The following LIPA variants were observed in gnomAD, a reference collection of about 807,000 sequenced individuals.
LIPA encodes the protein lipase A, lysosomal acid type.
In LIPA, 26 loss-of-function variants were observed where a neutral mutation model predicts 40.6. The ratio of observed to expected loss-of-function variants is 0.64; its 90% CI spans 0.47 to 0.89. The LOEUF (loss-of-function observed/expected upper bound fraction) is 0.89. Ranked by LOEUF, LIPA falls within the 40% of genes least tolerant of loss-of-function variation. The pLI, the probability that LIPA is intolerant of heterozygous loss-of-function variation, is 0.00. For synonymous variants in LIPA, 188 were observed against 168.4 expected (o/e 1.12, Z -0.90); for missense variants, 455 against 479.6 (o/e 0.95, Z 0.48).
intron 1 of LIPA, among the ~76,000 whole-genome samples, chr10:89,309,600 T>G (rs777379488): frequency 4.6e-5 from 7 of 152,170 alleles, no homozygotes; most frequent in Non-Finnish European, 5.9e-5. Flanking sequence ...TTGGTACCTG[T>G]GTGTGCTAAA....
intron 2 of LIPA, among the ~76,000 whole-genome samples, chr10:89,372,898 T>C (rs2133598153): frequency 6.6e-6 from 1 of 152,328 alleles, no homozygotes; most frequent in East Asian, 1.9e-4. Context: ...CTGAGGACTT[T>C]TCCAATAGAC....
chr10:89,241,062 G>T (rs1308100443), intron 3 of LIPA, among the ~76,000 whole-genome samples: 1 of 152,124 alleles, frequency 6.6e-6, no homozygotes, highest in Non-Finnish European at 1.5e-5. Context: ...ATGTAGCCAG[G>T]GGCCTGACCT....
chr10:89,314,125 G>A (rs1843529959), intron 1 of LIPA, among the ~76,000 whole-genome samples: 1 of 151,984 alleles, frequency 6.6e-6, no homozygotes, highest in Non-Finnish European at 1.5e-5. Context: ...TCATTGTGTT[G>A]TATCCTTATT....
chr10:89,301,882 G>A (rs1843447096), intron 1 of LIPA: 1 of 414,048 alleles, frequency 2.4e-6, no homozygotes, highest in African/African-American at 2.0e-5. Flanking sequence ...AGCTCCGGAG[G>A]AAAAAGAGTC....
chr10:89,222,806 C>T (rs965022767), intron 7 of LIPA, among the ~76,000 whole-genome samples: 1 of 152,094 alleles, frequency 6.6e-6, no homozygotes, highest in African/African-American at 2.4e-5. Flanking sequence ...ATGGTAAGCA[C>T]GGGACTGTGT....
At chr10:89,291,079 T>C (rs971769043) in intron 1 of LIPA, among the ~76,000 whole-genome samples, 1 of 152,204 alleles carries the variant, frequency 6.6e-6, no homozygotes, top group Non-Finnish European at 1.5e-5. Flanking sequence ...ATGTAGGATG[T>C]AGGATGACTT....
chr10:89,377,434 AT>A (rs145570869), intron 2 of LIPA, among the ~76,000 whole-genome samples: 38,174 of 152,106 alleles, frequency 0.25, 4,983 homozygotes, highest in Middle Eastern at 0.29. Context: ...AAAACAGTCA[AT>A]ATGCTTGAAT....
intron 5 of LIPA, among the ~76,000 whole-genome samples, chr10:89,225,609 A>G (rs1222399188): frequency 5.9e-5 from 9 of 152,176 alleles, no homozygotes. Flanking sequence ...AGAACAATTT[A>G]CAGACACCAC....
Position 89,250,856 on chromosome 10 carries a change from GA to G in LIPA, c.-2+880del, listed in dbSNP as rs199745338. On this transcript the variant is annotated intron_variant, in intron 1 of 9. Coordinates refer to ENST00000336233, the MANE Select transcript of LIPA (RefSeq NM_000235.4). ...ACTCTGAAAATCTCGAAGGAGGGGG[GA>G]AAAAAAACCTTCCAGGCTGAATTAA... Among the ~76,000 whole-genome samples, 1,286 of 151,820 alleles carry G rather than the reference GA, an allele frequency of 8.5e-3. 16 individuals carry two copies. Among genetic ancestry groups the G allele is most frequent in the African/African-American group, 0.026 (1,084 of 41,404 alleles).
At chr10:89,261,377 C>T (rs538081006) in intron 1 of LIPA, among the ~76,000 whole-genome samples, 3 of 152,276 alleles carry the variant, frequency 2.0e-5, no homozygotes, top group East Asian at 1.9e-4. Context: ...TGATGGCGGA[C>T]GCCTGTAATC....
Position 89,257,250 on chromosome 10 carries a change from G to T in LIPA, c.-1-9601C>A, listed in dbSNP as rs144484289. 3.2e-3 allele frequency among the ~76,000 whole-genome samples: 483 copies of T among 152,204 alleles called. 3 individuals are homozygous for T. The highest frequency in any genetic ancestry group is 0.011 in the African/African-American group (466 of 41,506). On this transcript the variant is annotated intron_variant, in intron 1 of 5. Coordinates refer to the LIPA transcript ENST00000282673. ...ATATGTGTGAGAATACTCCCTTTATGGCCTTCCATGGGTCCATTTGCCAGG... is the reference window on the plus strand; with the variant it reads ...ATATGTGTGAGAATACTCCCTTTATTGCCTTCCATGGGTCCATTTGCCAGG...
intron 2 of LIPA, chr10:89,362,735 T>C (rs1273881251): frequency 4.1e-6 from 3 of 736,660 alleles, no homozygotes; most frequent in Non-Finnish European, 6.4e-6. Flanking sequence ...AGATGAACTG[T>C]GAGGAAGGAT....
chr10:89,266,081 C>A (rs1020003934), intron 1 of LIPA, among the ~76,000 whole-genome samples: 2 of 152,232 alleles, frequency 1.3e-5, no homozygotes, highest in African/African-American at 4.8e-5. Flanking sequence ...TTTCTATCCT[C>A]AGATTCTCAC....
At chr10:89,302,042 T>A in intron 1 of LIPA, 1 of 1,550,034 alleles carries the variant, frequency 6.5e-7, no homozygotes, top group South Asian at 1.1e-5. Flanking sequence ...CAGCATTTAT[T>A]GGTGGCAGAA....
intron 3 of LIPA, among the ~76,000 whole-genome samples, chr10:89,244,253 T>C (rs986315329): frequency 5.3e-5 from 8 of 152,078 alleles, no homozygotes; most frequent in Non-Finnish European, 1.0e-4. Context: ...AAGAAAAAAG[T>C]TAAACTAGGA....
At chr10:89,266,281 T>C (rs976586589) in intron 1 of LIPA, among the ~76,000 whole-genome samples, 2 of 152,176 alleles carry the variant, frequency 1.3e-5, no homozygotes, top group Non-Finnish European at 2.9e-5. Context: ...TTTTTTTATG[T>C]AAAATTCTTA....
intron 1 of LIPA, among the ~76,000 whole-genome samples, chr10:89,337,272 T>C (rs554234882): frequency 1.3e-5 from 2 of 152,346 alleles, no homozygotes; most frequent in South Asian, 4.1e-4. Context: ...CTATTTTTCT[T>C]AGTATCCATA....
chr10:89,400,052 A>T (rs1164350832), intron 2 of LIPA, among the ~76,000 whole-genome samples: 1 of 152,218 alleles, frequency 6.6e-6, no homozygotes, highest in Non-Finnish European at 1.5e-5. Context: ...TGTTATATTG[A>T]GTTATGACAT....
chr10:89,232,575 G>A (rs1384904783), intron 3 of LIPA, among the ~76,000 whole-genome samples: 1 of 152,170 alleles, frequency 6.6e-6, no homozygotes, highest in African/African-American at 2.4e-5. Flanking sequence ...TCCAGAGAAA[G>A]GCAGGAATGG....
Sources: allele counts gnomAD v4.1 joint callset (sites outside exome capture counted in the v4.1 genomes callset), GRCh38; gene constraint gnomAD v4.1.1; transcripts MANE v1.5; gene names NCBI Gene and HGNC (gene_info 2026-07-23, HGNC 2026-07-21).